DNM2: variants seen among roughly 807,000 people sequenced by gnomAD.
The protein encoded by DNM2 is dynamin 2, also known as dynamin-2.
Under a neutral mutation model 99.0 loss-of-function variants are expected in DNM2, and 15 were observed. That is an observed-to-expected ratio of 0.15 (90% CI 0.10 to 0.23). The LOEUF (loss-of-function observed/expected upper bound fraction) is 0.23. Among genes scored for constraint, DNM2 ranks in the 10% least tolerant of loss-of-function variants. The pLI is 1.00. For synonymous variants in DNM2, 525 were observed against 481.2 expected, an observed-to-expected ratio of 1.09 and a Z score of -1.19; for missense variants, 742 against 1,189.4, an observed-to-expected ratio of 0.62 and a Z score of 5.53.
rs2071926755 is a variant in DNM2, at chr19:10,796,193, C to T, written c.1196+754C>T. 1 of 1,613,966 alleles carries T rather than the reference C, an allele frequency of 6.2e-7. No homozygotes were observed. Among genetic ancestry groups the T allele is most frequent in the Non-Finnish European group, 8.5e-7 (1 of 1,180,024 alleles). On this transcript the variant is annotated intron_variant, in intron 9 of 20. Transcript: ENST00000389253. This position sits in a 1 kb window ranked among gnomAD's most constrained non-coding sequence, Gnocchi z 5.6. ...TAATCAATACAGTTAGGCAGTGTAC[C>T]AGTAAGGTATTGCTCCCTCGGCAGG... is the stretch of plus-strand genomic sequence containing the variant.
intron 5 of DNM2, among the ~76,000 whole-genome samples, chr19:10,782,496 C>T (rs1254111976): frequency 4.6e-5 from 7 of 151,948 alleles, no homozygotes; most frequent in Admixed American, 3.9e-4. Flanking sequence ...GTACCTGGGA[C>T]TATAGTCACG....
At chr19:10,802,162 TCTC>T (rs2072174224) in intron 11 of DNM2, 123 bp from the exon 12 acceptor site, 2 of 953,686 alleles carry the variant, frequency 2.1e-6, no homozygotes, top group Admixed American at 1.8e-5. Flanking sequence ...CAGCCCCTGT[TCTC>T]CTGTCTGGGA....
chr19:10,736,874 G>A (rs1487568058), intron 1 of DNM2, among the ~76,000 whole-genome samples: 2 of 152,078 alleles, frequency 1.3e-5, no homozygotes, highest in Non-Finnish European at 2.9e-5. Context: ...CTAGCTGGGC[G>A]CCGTGGCTTA....
intron 1 of DNM2, among the ~76,000 whole-genome samples, chr19:10,744,928 C>G (rs2069907259): frequency 6.6e-6 from 1 of 152,154 alleles, no homozygotes; most frequent in South Asian, 2.1e-4. Flanking sequence ...CCCCGTCACT[C>G]TTGAAAATGC....
chr19:10,781,777 C>T (rs1051709851), intron 5 of DNM2: 5 of 152,126 alleles, frequency 3.3e-5, no homozygotes, highest in Non-Finnish European at 5.9e-5. Context: ...AAAACAAAAA[C>T]CTAGCCAGGA....
At chr19:10,718,537 G>T in intron 1 of DNM2, 134 bp downstream of exon 1, 1 of 1,209,570 alleles carries the variant, frequency 8.3e-7, no homozygotes, top group South Asian at 3.3e-5. Flanking sequence ...GACGGGGTCG[G>T]GGAGGCGGGC....
chr19:10,801,908 G>GAAAA (rs34959391), intron 11 of DNM2, among the ~76,000 whole-genome samples: 1 of 101,056 alleles, frequency 9.9e-6, no homozygotes, highest in Non-Finnish European at 2.0e-5. Context: ...CCGTCTCGAA[G>GAAAA]AAAAAAAAAA....
intron 1 of DNM2, chr19:10,718,776 A>T (rs1313915276): frequency 6.0e-6 from 1 of 167,936 alleles, no homozygotes; most frequent in Non-Finnish European, 1.3e-5. Context: ...GAAACCGGCC[A>T]TCTAGATATC....
chr19:10,823,719 T>A (rs1303346053), intron 16 of DNM2, 69 bp from the exon 17 acceptor site: 1 of 1,500,086 alleles, frequency 6.7e-7, no homozygotes, highest in Non-Finnish European at 9.3e-7. Flanking sequence ...TAGAGCCCAT[T>A]CCTCTCGGCA....
chr19:10,727,304 C>T (rs543694239), intron 1 of DNM2, among the ~76,000 whole-genome samples: 12 of 152,148 alleles, frequency 7.9e-5, no homozygotes, highest in Admixed American at 2.6e-4. Context: ...TGGATGAGGG[C>T]GGAAGATGGC....
At chr19:10,828,321 C>T (rs749910863) in intron 18 of DNM2, among the ~76,000 whole-genome samples, 2 of 151,612 alleles carry the variant, frequency 1.3e-5, no homozygotes, top group Non-Finnish European at 2.9e-5. Context: ...GGCGCGGTGG[C>T]TCACGCCTGT....
intron 1 of DNM2, among the ~76,000 whole-genome samples, chr19:10,740,890 T>C (rs1046677714): frequency 2.6e-5 from 4 of 152,220 alleles, no homozygotes; most frequent in Non-Finnish European, 4.4e-5. Flanking sequence ...AAAACATCTT[T>C]CTTGTGTTCA....
intron 2 of DNM2, among the ~76,000 whole-genome samples, chr19:10,769,667 G>C (rs780225038): frequency 1.3e-5 from 2 of 152,050 alleles, no homozygotes; most frequent in Non-Finnish European, 2.9e-5. Context: ...GCTGCTACAG[G>C]AAGAGCGGCC....
intron 13 of DNM2, among the ~76,000 whole-genome samples, chr19:10,806,247 C>T (rs1381913675): frequency 6.6e-6 from 1 of 152,174 alleles, no homozygotes; most frequent in Non-Finnish European, 1.5e-5. Flanking sequence ...TGGCTGGGCA[C>T]AGTAGCTCAC....
At position 10,817,057 on chromosome 19, in the gene DNM2, C is replaced by T. The variant is rs998653915; in HGVS notation, c.1672-2923C>T. 2.0e-5 allele frequency among the ~76,000 whole-genome samples: 3 copies of T among 152,332 alleles called. No homozygotes were observed. Among genetic ancestry groups the T allele is most frequent in the African/African-American group, 4.8e-5 (2 of 41,564 alleles). Reference sequence around the variant, plus strand: ...GGGGGCAGCCATGGAACCTGACCCCCGCCACCACCCAAGTTAGGATCCCAG... The same window carrying T: ...GGGGGCAGCCATGGAACCTGACCCCTGCCACCACCCAAGTTAGGATCCCAG... On this transcript the variant is annotated intron_variant, in intron 15 of 20. Transcript: ENST00000389253. The surrounding 1 kb of genome is among the most constrained non-coding windows in gnomAD (Gnocchi z 4.6).
intron 8 of DNM2, among the ~76,000 whole-genome samples, chr19:10,794,115 C>T (rs1354651577): frequency 3.3e-5 from 5 of 152,110 alleles, no homozygotes; most frequent in Non-Finnish European, 7.3e-5. Context: ...TTGCAAAATA[C>T]ATAGAAAATA....
intron 12 of DNM2, chr19:10,803,492 TG>T: frequency 2.0e-6 from 1 of 502,282 alleles, no homozygotes; most frequent in Non-Finnish European, 2.6e-6. Context: ...CTCACAGCGC[TG>T]GTCCCCATCT....
chr19:10,786,192 G>A (rs2071551445), intron 6 of DNM2, among the ~76,000 whole-genome samples: 1 of 152,288 alleles, frequency 6.6e-6, no homozygotes, highest in East Asian at 1.9e-4. Context: ...ACCTTTTCAG[G>A]GGCGATCTTT....
At position 10,815,164 on chromosome 19, in the gene DNM2, G is replaced by A. The variant is rs182316048; in HGVS notation, c.1671+2787G>A. 3.2e-4 allele frequency among the ~76,000 whole-genome samples: 49 copies of A among 152,284 alleles called. 1 individual carries two copies. The highest frequency in any genetic ancestry group is 5.6e-4 in the Non-Finnish European group (38 of 68,028). ...AAGGCTGTCCAGGGCCTGGCTCCGC[G>A]TCTCCTGTTGCCACCTTAACACAGG... On this transcript the variant is annotated intron_variant, in intron 15 of 20. Transcript: ENST00000389253.
Sources: allele counts gnomAD v4.1 joint callset (sites outside exome capture counted in the v4.1 genomes callset), GRCh38; gene constraint gnomAD v4.1.1; non-coding constraint Gnocchi (gnomAD v3.1); transcripts MANE v1.5; gene names NCBI Gene and HGNC (gene_info 2026-07-23, HGNC 2026-07-21).